Variants in CDH13 observed in about 807,000 individuals in gnomAD.
CDH13 encodes cadherin-13.
Under a neutral mutation model 63.8 loss-of-function variants are expected in CDH13, and 24 were observed. The ratio of observed to expected loss-of-function variants is 0.38; its 90% CI spans 0.27 to 0.53. CDH13 has a LOEUF of 0.53. CDH13 is among the 20% of genes least tolerant of loss of function. The probability of loss-of-function intolerance (pLI) is 0.85; values close to 1 mark genes in which losing one functional copy is unlikely to be tolerated. For missense variants in CDH13, 1,049 were observed against 903.1 expected, an observed-to-expected ratio of 1.16 and a Z score of -2.07; for synonymous variants, 503 against 355.3, an observed-to-expected ratio of 1.42 and a Z score of -4.67.
chr16:82,977,772 G>A (rs1290576051), intron 2 of CDH13, among the ~76,000 whole-genome samples: 1 of 152,204 alleles, frequency 6.6e-6, no homozygotes, highest in African/African-American at 2.4e-5. Flanking sequence ...AGTGACTTTG[G>A]AACTGGGTAA....
At chr16:83,745,778 CCT>C (rs1386768941) in intron 10 of CDH13, among the ~76,000 whole-genome samples, 2 of 152,156 alleles carry the variant, frequency 1.3e-5, no homozygotes, top group African/African-American at 4.8e-5. Flanking sequence ...AGGAGGCATC[CCT>C]CTGGCTTCCA....
At chr16:83,703,748 C>T (rs1906594558) in intron 10 of CDH13, among the ~76,000 whole-genome samples, 1 of 152,034 alleles carries the variant, frequency 6.6e-6, no homozygotes, top group Non-Finnish European at 1.5e-5. Context: ...ACTAAGAAAA[C>T]CATCCTTTCT....
At chr16:82,760,480 G>A (rs983478187) in intron 1 of CDH13, among the ~76,000 whole-genome samples, 25 of 151,890 alleles carry the variant, frequency 1.6e-4, no homozygotes, top group African/African-American at 5.8e-4. Flanking sequence ...TAATATTATG[G>A]CATTACAACA....
At chr16:83,553,528 A>G (rs779577408) in intron 7 of CDH13, among the ~76,000 whole-genome samples, 5 of 152,166 alleles carry the variant, frequency 3.3e-5, no homozygotes, top group Admixed American at 6.6e-5. Flanking sequence ...TCTGCCCTGT[A>G]GGAATCAAAG....
At chr16:83,395,196 C>G (rs532199917) in intron 6 of CDH13, among the ~76,000 whole-genome samples, 1 of 149,944 alleles carries the variant, frequency 6.7e-6, no homozygotes, top group Non-Finnish European at 1.5e-5. Flanking sequence ...TGCCTGTAAT[C>G]CCAGCTACTT....
At chr16:82,726,940 C>T (rs2033129136) in intron 1 of CDH13, among the ~76,000 whole-genome samples, 1 of 152,166 alleles carries the variant, frequency 6.6e-6, no homozygotes. Flanking sequence ...CTTATTTACA[C>T]AAAGCAGCAG....
intron 8 of CDH13, among the ~76,000 whole-genome samples, chr16:83,649,441 G>A (rs1598412781): frequency 6.6e-6 from 1 of 152,178 alleles, no homozygotes; most frequent in African/African-American, 2.4e-5. Flanking sequence ...GGGAAAGAGA[G>A]GGTGGTTGGG....
At chr16:83,369,096 G>A (rs2091314014) in intron 6 of CDH13, among the ~76,000 whole-genome samples, 1 of 151,096 alleles carries the variant, frequency 6.6e-6, no homozygotes, top group South Asian at 2.1e-4. Flanking sequence ...CAGGATTGCT[G>A]GATCAAACAG....
Position 82,798,930 on chromosome 16 carries a change from C to A in CDH13, c.46-59432C>A, listed in dbSNP as rs8057107. Among the ~76,000 whole-genome samples the A allele has an allele frequency of 4.1e-3, 622 of 152,228 alleles. 5 individuals carry two copies. Among genetic ancestry groups the A allele is most frequent in the African/African-American group, 0.014 (582 of 41,534 alleles). ...GATTCTCACTTTGCAGATAAAGAAA[C>A]TGAGGCCCAGAAAGGTGCCCAAGGA... On this transcript the variant is annotated intron_variant, in intron 1 of 13. Transcript: ENST00000567109.
intron 10 of CDH13, among the ~76,000 whole-genome samples, chr16:83,713,117 G>C (rs901533409): frequency 1.3e-5 from 2 of 152,184 alleles, no homozygotes; most frequent in Non-Finnish European, 2.9e-5. Context: ...CTGTGTGTTT[G>C]AGCCTCCATC....
chr16:83,199,586 A>G (rs1165755150), intron 4 of CDH13, among the ~76,000 whole-genome samples: 1 of 152,246 alleles, frequency 6.6e-6, no homozygotes, highest in Admixed American at 6.5e-5. Context: ...GGCCTCAGTG[A>G]ATGCAGTTAT....
chr16:83,702,685 T>C (rs1474481966), intron 10 of CDH13, among the ~76,000 whole-genome samples: 1 of 152,230 alleles, frequency 6.6e-6, no homozygotes, highest in East Asian at 1.9e-4. Context: ...GGTGGCCATG[T>C]GCCTTGGGTC....
rs144807322 is a variant in CDH13, at chr16:82,951,508, T to A, written c.158-80502T>A. ...CCATGAGGTCGTTGGGTACGCTGGCTTCATCTAAAAGAACCACATTTAGGT... is the reference window on the plus strand; with the variant it reads ...CCATGAGGTCGTTGGGTACGCTGGCATCATCTAAAAGAACCACATTTAGGT... On this transcript the variant is annotated intron_variant, in intron 2 of 13. Transcript: ENST00000567109. 8.1e-3 allele frequency among the ~76,000 whole-genome samples: 1,226 copies of A among 152,276 alleles called. 23 individuals are homozygous for A. The highest frequency in any genetic ancestry group is 0.028 in the African/African-American group (1,147 of 41,560).
At chr16:82,889,472 G>C (rs1231111062) in intron 2 of CDH13, among the ~76,000 whole-genome samples, 1 of 152,240 alleles carries the variant, frequency 6.6e-6, no homozygotes, top group African/African-American at 2.4e-5. Flanking sequence ...GAAGTTGGAA[G>C]AAACTTGGCA....
intron 1 of CDH13, among the ~76,000 whole-genome samples, chr16:82,781,362 C>T (rs949022051): frequency 1.3e-5 from 2 of 152,090 alleles, no homozygotes. Context: ...GTTTTGTGAA[C>T]TTATACAAGG....
chr16:82,659,213 C>A (rs145259095), intron 1 of CDH13, among the ~76,000 whole-genome samples: 85 of 152,320 alleles, frequency 5.6e-4, no homozygotes, highest in African/African-American at 2.0e-3. Flanking sequence ...TCTATTGGAA[C>A]CTAGTCCCAC....
rs184383978 is a variant in CDH13 at position 82,973,269 on chromosome 16, G to C, written c.158-58741G>C. ...TTGAAGCAGAGCAGATGCTCAGACG[G>C]TCTGCATCCCTCCTCTTTGCCGTCC... On this transcript the variant is annotated intron_variant, in intron 2 of 13. Transcript: ENST00000567109. 2.6e-5 allele frequency among the ~76,000 whole-genome samples: 4 copies of C among 152,316 alleles called. No individual in the cohort carries two copies. The East Asian group carries it at 5.8e-4, about 22-fold the overall frequency.
rs539524664 is a variant in CDH13, at chr16:82,968,767, C to G, written c.158-63243C>G. 1.4e-3 allele frequency among the ~76,000 whole-genome samples: 211 copies of G among 152,282 alleles called. 1 individual carries two copies. The highest frequency in any genetic ancestry group is 2.5e-3 in the Non-Finnish European group (167 of 68,028). Reference sequence around the variant, plus strand: ...TGGTGTTATAACTATTTTTGACACTCCGTTCCCCTCAATAGGCTGTGAGCC... The same window carrying G: ...TGGTGTTATAACTATTTTTGACACTGCGTTCCCCTCAATAGGCTGTGAGCC... On this transcript the variant is annotated intron_variant, in intron 2 of 13. Transcript: ENST00000567109.
At chr16:82,965,235 AC>A (rs1352279409) in intron 2 of CDH13, among the ~76,000 whole-genome samples, 2 of 152,026 alleles carry the variant, frequency 1.3e-5, no homozygotes, top group Non-Finnish European at 2.9e-5. Context: ...TTTTACTAAT[AC>A]TTTGCTTCTT....
Sources: allele counts gnomAD v4.1 joint callset (sites outside exome capture counted in the v4.1 genomes callset), GRCh38; gene constraint gnomAD v4.1.1; transcripts MANE v1.5; gene names NCBI Gene and HGNC (gene_info 2026-07-23, HGNC 2026-07-21).